ENTPD7: variants seen among roughly 807,000 people sequenced by gnomAD.
The protein encoded by ENTPD7 is NTPDase 7.
Under a neutral mutation model 77.9 loss-of-function variants are expected in ENTPD7, and 53 were observed. That is an observed-to-expected ratio of 0.68 (90% confidence interval 0.55 to 0.85). The LOEUF is 0.85. ENTPD7 is among the 40% of genes least tolerant of loss of function. The probability of loss-of-function intolerance (pLI) is 0.00; values close to 1 mark genes in which losing one functional copy is unlikely to be tolerated. For synonymous variants in ENTPD7, 248 were observed against 274.9 expected (o/e 0.90, Z 0.97); for missense variants, 636 against 743.7 (o/e 0.86, Z 1.68).
intron 5 of ENTPD7, among the ~76,000 whole-genome samples, chr10:99,682,753 A>T (rs1319072412): frequency 6.6e-6 from 1 of 152,214 alleles, no homozygotes; most frequent in Non-Finnish European, 1.5e-5. Flanking sequence ...AAATTTTAGA[A>T]ACCCTGGGAA....
chr10:99,701,996 C>G (rs574527854), intron 11 of ENTPD7, among the ~76,000 whole-genome samples: 121 of 152,060 alleles, frequency 8.0e-4, no homozygotes, highest in African/African-American at 2.8e-3. Flanking sequence ...TTGTAGTGAG[C>G]TGAGATCGCG....
chr10:99,694,129 C>A (rs1427006350), intron 8 of ENTPD7, among the ~76,000 whole-genome samples: 1 of 152,132 alleles, frequency 6.6e-6, no homozygotes, highest in Non-Finnish European at 1.5e-5. Context: ...CAGAACATTT[C>A]ATCGCCCCAA....
chr10:99,669,405 C>A (rs2035590527), intron 3 of ENTPD7, among the ~76,000 whole-genome samples: 1 of 152,084 alleles, frequency 6.6e-6, no homozygotes, highest in South Asian at 2.1e-4. Flanking sequence ...ACTTTAGAAG[C>A]CTGTCAGGGG....
chr10:99,667,240 C>T (rs530214618), intron 3 of ENTPD7, among the ~76,000 whole-genome samples: 1 of 152,272 alleles, frequency 6.6e-6, no homozygotes, highest in Non-Finnish European at 1.5e-5. Flanking sequence ...CACAAATGAC[C>T]ATTTATCATT....
chr10:99,679,199 A>G (rs1389953846), intron 3 of ENTPD7, 62 bp from the exon 4 acceptor site: 3 of 1,520,578 alleles, frequency 2.0e-6, no homozygotes, highest in Non-Finnish European at 2.7e-6. Context: ...AAATGAAGTA[A>G]GTGAGGGCGC....
intron 10 of ENTPD7, among the ~76,000 whole-genome samples, chr10:99,700,393 CGTGTGTGTGTGTGTGTGTGT>C (rs921045736): frequency 2.0e-4 from 21 of 103,596 alleles, no homozygotes; most frequent in Non-Finnish European, 2.9e-4. Context: ...TCCAACGTAC[CGTGTGTGTGTGTGTGTGTGT>C]ATGTGTGTGT....
chr10:99,685,355 T>C (rs1328710828), intron 5 of ENTPD7, among the ~76,000 whole-genome samples: 1 of 152,238 alleles, frequency 6.6e-6, no homozygotes, highest in Non-Finnish European at 1.5e-5. Flanking sequence ...TGTTTCTATG[T>C]TGTGTAAGAT....
intron 5 of ENTPD7, among the ~76,000 whole-genome samples, chr10:99,684,781 T>A (rs1039677926): frequency 6.6e-6 from 1 of 152,234 alleles, no homozygotes; most frequent in Non-Finnish European, 1.5e-5. Flanking sequence ...CTTGATAATA[T>A]TGATTACATG....
intron 3 of ENTPD7, among the ~76,000 whole-genome samples, chr10:99,674,378 G>A (rs1452898192): frequency 6.6e-6 from 1 of 152,156 alleles, no homozygotes; most frequent in Non-Finnish European, 1.5e-5. Context: ...GTAGTATTAA[G>A]TATATTTACA....
chr10:99,672,920 A>AT (rs1446513115), intron 3 of ENTPD7, among the ~76,000 whole-genome samples: 1 of 152,140 alleles, frequency 6.6e-6, no homozygotes, highest in Non-Finnish European at 1.5e-5. Context: ...ATTAGTTTTG[A>AT]TTTTGTAAGC....
chr10:99,671,432 AT>A (rs147544179), intron 3 of ENTPD7, among the ~76,000 whole-genome samples: 18,505 of 151,986 alleles, frequency 0.12, 1,234 homozygotes, highest in South Asian at 0.22. Flanking sequence ...TTTAAAACTT[AT>A]TTGTTAGAAA....
intron 3 of ENTPD7, among the ~76,000 whole-genome samples, chr10:99,678,720 T>C (rs959426671): frequency 1.4e-5 from 2 of 147,090 alleles, no homozygotes; most frequent in Non-Finnish European, 3.0e-5. Context: ...GAGGTTGCAG[T>C]GAGCTGAGAT....
intron 3 of ENTPD7, among the ~76,000 whole-genome samples, chr10:99,665,130 T>C (rs988739904): frequency 1.1e-4 from 17 of 151,918 alleles, no homozygotes; most frequent in Non-Finnish European, 2.5e-4. Context: ...CATGCACCTG[T>C]AGTCCTTGCT....
At chr10:99,689,740 C>T (rs1024614799) in intron 7 of ENTPD7, among the ~76,000 whole-genome samples, 1 of 152,176 alleles carries the variant, frequency 6.6e-6, no homozygotes, top group South Asian at 2.1e-4. Flanking sequence ...ATCTGCCTTT[C>T]ATGGAATTGT....
chr10:99,702,474 TTC>T, intron 11 of ENTPD7, 36 bp from the exon 12 acceptor site: 1 of 1,495,322 alleles, frequency 6.7e-7, no homozygotes, highest in Non-Finnish European at 8.9e-7. Flanking sequence ...TAGAATTCTT[TTC>T]TCTTTTTTTA....
chr10:99,665,938 C>T (rs2035544649), intron 3 of ENTPD7, among the ~76,000 whole-genome samples: 1 of 152,190 alleles, frequency 6.6e-6, no homozygotes, highest in African/African-American at 2.4e-5. Flanking sequence ...AGACCTAAAT[C>T]CATAATTTGA....
chr10:99,701,344 G>A (rs901176309), intron 11 of ENTPD7, among the ~76,000 whole-genome samples: 1 of 151,148 alleles, frequency 6.6e-6, no homozygotes, highest in African/African-American at 2.4e-5. Flanking sequence ...CTGGAGTGCA[G>A]TGGCATGATC....
At position 99,698,587 on chromosome 10, in the gene ENTPD7, G is replaced by C; in HGVS notation, c.1064G>C (p.Cys355Ser). The change falls in exon 10 of 13, where the codon TGC becomes TCC. Residue 355 changes from cysteine (C) to serine (S), a missense_variant. Around this residue, in one of 3 missense-constraint regions of ENTPD7, gnomAD observed 486 missense variants for 556.5 expected, o/e 0.87. Transcript: ENST00000370489. ...LSPDNPFLDP[C>S]LPVGLTDVVE... ...CCCGACAATCCATTTCTGGATCCCT[G>C]CCTGCCAGTGGGACTCACAGATGTG... 3 of 1,614,160 alleles carry C rather than the reference G, an allele frequency of 1.9e-6. No individual in the cohort carries two copies. Among genetic ancestry groups the C allele is most frequent in the Non-Finnish European group, 1.7e-6 (2 of 1,180,030 alleles).
intron 3 of ENTPD7, among the ~76,000 whole-genome samples, chr10:99,673,915 G>C (rs911542): frequency 0.86 from 130,769 of 152,196 alleles, 56,263 homozygotes; most frequent in Middle Eastern, 0.92. Context: ...TATCAAGGTA[G>C]TATAGATAAG....
Sources: allele counts gnomAD v4.1 joint callset (sites outside exome capture counted in the v4.1 genomes callset), GRCh38; gene constraint gnomAD v4.1.1; regional missense constraint gnomAD v4.1.1; transcripts MANE v1.5; gene names NCBI Gene and HGNC (gene_info 2026-07-23, HGNC 2026-07-21).